The following PTPN4 variants were observed in gnomAD, a reference collection of about 807,000 sequenced individuals.
PTPN4 encodes tyrosine-protein phosphatase non-receptor type 4.
In PTPN4, 49 loss-of-function variants were observed where a neutral mutation model predicts 135.5. The ratio of observed to expected loss-of-function variants is 0.36; its 90% CI spans 0.29 to 0.46. The LOEUF (loss-of-function observed/expected upper bound fraction) is 0.46, where lower values mean the gene tolerates loss of function less well. Ranked by LOEUF, PTPN4 falls within the 20% of genes least tolerant of loss-of-function variation. The pLI is 1.00. For missense variants in PTPN4, 860 were observed against 1,101.0 expected (o/e 0.78, Z 3.10); for synonymous variants, 333 against 369.9 (o/e 0.90, Z 1.14).
At chr2:119,803,603 T>C (rs1174385122) in intron 1 of PTPN4, among the ~76,000 whole-genome samples, 1 of 152,226 alleles carries the variant, frequency 6.6e-6, no homozygotes, top group Non-Finnish European at 1.5e-5. Context: ...CTTGAAATGT[T>C]CAGTGGATGT....
chr2:119,861,260 G>T (rs983723346), intron 2 of PTPN4, among the ~76,000 whole-genome samples: 6 of 151,946 alleles, frequency 3.9e-5, no homozygotes, highest in Non-Finnish European at 8.8e-5. Flanking sequence ...GAACTCACTC[G>T]CTCCCTTGAG....
chr2:119,813,357 C>T (rs1040963139), intron 2 of PTPN4, among the ~76,000 whole-genome samples: 3 of 152,020 alleles, frequency 2.0e-5, no homozygotes, highest in South Asian at 2.1e-4. Context: ...GAGCGATTCT[C>T]CTGCCTCAGC....
At chr2:119,850,044 C>T (rs867038864) in intron 2 of PTPN4, among the ~76,000 whole-genome samples, 11 of 152,220 alleles carry the variant, frequency 7.2e-5, no homozygotes, top group Non-Finnish European at 1.0e-4. Flanking sequence ...ACCTGCTTAT[C>T]GTATTTCCCT....
At chr2:119,966,178 G>A (rs1558777324) in intron 25 of PTPN4, among the ~76,000 whole-genome samples, 1 of 152,096 alleles carries the variant, frequency 6.6e-6, no homozygotes, top group East Asian at 1.9e-4. Flanking sequence ...GGACAGAAGG[G>A]GTGAACCCAC....
chr2:119,906,348 G>GA (rs1289229066), intron 10 of PTPN4, among the ~76,000 whole-genome samples: 2 of 151,672 alleles, frequency 1.3e-5, no homozygotes, highest in Admixed American at 6.6e-5. Flanking sequence ...AGAAAAGACA[G>GA]AAAAAAACTA....
chr2:119,778,000 C>A (rs999285525), intron 1 of PTPN4, among the ~76,000 whole-genome samples: 1 of 151,968 alleles, frequency 6.6e-6, no homozygotes, highest in South Asian at 2.1e-4. Context: ...CTATAGAGAC[C>A]GGCATTCTTT....
chr2:119,816,495 T>A (rs1459269948), intron 2 of PTPN4, among the ~76,000 whole-genome samples: 1 of 152,222 alleles, frequency 6.6e-6, no homozygotes, highest in Admixed American at 6.5e-5. Context: ...TTCATCGGAC[T>A]TGGGTGTGGG....
At chr2:119,829,648 T>C (rs915865512) in intron 2 of PTPN4, among the ~76,000 whole-genome samples, 43 of 152,226 alleles carry the variant, frequency 2.8e-4, no homozygotes, top group African/African-American at 9.9e-4. Context: ...GTATCAGAAC[T>C]TTCACTTTTT....
chr2:119,888,399 A>G (rs1678191037), intron 9 of PTPN4, among the ~76,000 whole-genome samples: 1 of 152,120 alleles, frequency 6.6e-6, no homozygotes, highest in African/African-American at 2.4e-5. Flanking sequence ...TAAGAGTGTG[A>G]AAGTGGGCAT....
At chr2:119,813,406 C>T (rs543959031) in intron 2 of PTPN4, among the ~76,000 whole-genome samples, 4 of 151,982 alleles carry the variant, frequency 2.6e-5, no homozygotes, top group Non-Finnish European at 5.9e-5. Flanking sequence ...TGCCACCATG[C>T]CTGGTTAATT....
chr2:119,926,566 A>T (rs369312060), intron 12 of PTPN4, 32 bp from the exon 13 acceptor site: 27 of 1,454,836 alleles, frequency 1.9e-5, no homozygotes, highest in Non-Finnish European at 2.5e-5. Flanking sequence ...TTCTCTTAAG[A>T]CTTTATTGTT....
chr2:119,950,020 T>C (rs1391378684), intron 18 of PTPN4, among the ~76,000 whole-genome samples: 1 of 152,148 alleles, frequency 6.6e-6, no homozygotes, highest in African/African-American at 2.4e-5. Flanking sequence ...GTAACATATC[T>C]GACAAAAGGC....
intron 9 of PTPN4, among the ~76,000 whole-genome samples, chr2:119,896,947 G>T (rs1678333065): frequency 6.6e-6 from 1 of 152,082 alleles, no homozygotes; most frequent in African/African-American, 2.4e-5. Flanking sequence ...TTGAAACAGG[G>T]TCTCACTCTG....
chr2:119,910,255 A>G lies in PTPN4; in HGVS notation c.765-4924A>G, dbSNP rs1233877930. Reference sequence around the variant, plus strand: ...ATAAATTACTCTGATTTTTTATTATACAACTTGTTTTCATTATAGTATATC... The same window carrying G: ...ATAAATTACTCTGATTTTTTATTATGCAACTTGTTTTCATTATAGTATATC... On this transcript the variant is annotated intron_variant, in intron 10 of 26. Transcript: ENST00000263708. Among the ~76,000 whole-genome samples, 5 of 152,258 alleles carry G rather than the reference A, an allele frequency of 3.3e-5. No individual in the cohort carries two copies. The East Asian group carries it at 9.7e-4, about 29-fold the overall frequency.
intron 8 of PTPN4, among the ~76,000 whole-genome samples, chr2:119,882,926 C>T (rs1337554176): frequency 6.6e-6 from 1 of 152,056 alleles, no homozygotes; most frequent in Non-Finnish European, 1.5e-5. Flanking sequence ...AGAGATCAGT[C>T]TGCTTAGTAA....
chr2:119,942,446 A>G (rs1679074222), intron 15 of PTPN4, among the ~76,000 whole-genome samples: 1 of 152,178 alleles, frequency 6.6e-6, no homozygotes, highest in Non-Finnish European at 1.5e-5. Context: ...GACCAAGAAT[A>G]AGGAAGGTTT....
chr2:119,801,996 G>A (rs1477869598), intron 1 of PTPN4, among the ~76,000 whole-genome samples: 7 of 150,044 alleles, frequency 4.7e-5, no homozygotes, highest in African/African-American at 1.7e-4. Flanking sequence ...CGCCTCCTGG[G>A]TTCAAGCGAT....
At position 119,834,219 on chromosome 2, in the gene PTPN4, T is replaced by G. The variant is rs192223161; in HGVS notation, c.138+24228T>G. On this transcript the variant is annotated intron_variant, in intron 2 of 26. Coordinates refer to ENST00000263708, the MANE Select transcript of PTPN4 (RefSeq NM_002830.4). ...TAGGTATTTTGAAATATATAATACT[T>G]GTTTTTAACTATAGTCACCCTACTC... Among the ~76,000 whole-genome samples the G allele has an allele frequency of 3.3e-4, 50 of 152,330 alleles. No homozygotes were observed. In the East Asian group the frequency reaches 8.3e-3, roughly 25 times the overall value.
intron 2 of PTPN4, among the ~76,000 whole-genome samples, chr2:119,820,104 T>G (rs1677043739): frequency 6.6e-6 from 1 of 152,170 alleles, no homozygotes; most frequent in South Asian, 2.1e-4. Context: ...CAAGTGATCC[T>G]CCCACCTCGA....
Sources: gnomAD v4.1 joint callset for allele counts (sites outside exome capture counted in the v4.1 genomes callset) on GRCh38, gnomAD v4.1.1 for gene constraint, MANE v1.5 for transcripts, NCBI Gene and HGNC (gene_info 2026-07-23, HGNC 2026-07-21) for gene names.